CYTH1: variants seen among roughly 807,000 people sequenced by gnomAD.
The protein encoded by CYTH1 is cytohesin 1.
CYTH1 carries 18 observed loss-of-function variants against 61.8 expected under a neutral mutation model. The observed-to-expected ratio is 0.29, with a 90% CI of 0.20 to 0.43. The LOEUF (loss-of-function observed/expected upper bound fraction) is 0.43. Ranked by LOEUF, CYTH1 falls within the 20% of genes least tolerant of loss-of-function variation. The probability of loss-of-function intolerance (pLI) is 1.00; values close to 1 mark genes in which losing one functional copy is unlikely to be tolerated. For missense variants in CYTH1, 336 were observed against 510.5 expected, an observed-to-expected ratio of 0.66 and a Z score of 3.29; for synonymous variants, 174 against 184.3, an observed-to-expected ratio of 0.94 and a Z score of 0.45.
At chr17:78,703,460 T>C (rs894104748) in intron 3 of CYTH1, among the ~76,000 whole-genome samples, 3 of 149,456 alleles carry the variant, frequency 2.0e-5, no homozygotes, top group African/African-American at 4.9e-5. Flanking sequence ...AATTTACTTA[T>C]AATACTCCTA....
chr17:78,763,779 C>A (rs1178194389), intron 1 of CYTH1, among the ~76,000 whole-genome samples: 1 of 152,144 alleles, frequency 6.6e-6, no homozygotes, highest in Non-Finnish European at 1.5e-5. Flanking sequence ...AGTATGCTAG[C>A]CTCCTCTTAA....
At position 78,708,252 on chromosome 17, in the gene CYTH1, C is replaced by A. The variant is rs746673102; in HGVS notation, c.115G>T (p.Asp39Tyr). The A allele has an allele frequency of 6.2e-7, 1 of 1,612,668 alleles. No homozygotes were observed. The highest frequency in any genetic ancestry group is 1.7e-5 in the Admixed American group (1 of 59,608). Residue 39 changes from aspartate to tyrosine, a missense_variant, in exon 3 of 14, where the codon GAT (aspartate) becomes TAT (tyrosine). Physicochemically the swap from Asp to Tyr is radical, Grantham distance 160 (BLOSUM62 -3). Coordinates refer to ENST00000446868, the MANE Select transcript of CYTH1 (RefSeq NM_004762.6). ...TCATTAGCTACTTCTGCTATCTCATCCTTCAGCCTCTATAAAACAGACAGT... is the reference window on the plus strand; with the variant it reads ...TCATTAGCTACTTCTGCTATCTCATACTTCAGCCTCTATAAAACAGACAGT... ...ELLADIQRLK[D>Y]EIAEVANEIE...
At chr17:78,755,979 G>A (rs2093399166) in intron 1 of CYTH1, among the ~76,000 whole-genome samples, 1 of 151,616 alleles carries the variant, frequency 6.6e-6, no homozygotes, top group African/African-American at 2.4e-5. Context: ...TTCAGGTCAA[G>A]AAAATATTGT....
intron 1 of CYTH1, among the ~76,000 whole-genome samples, chr17:78,776,436 C>T (rs1479096315): frequency 6.6e-6 from 1 of 151,850 alleles, no homozygotes; most frequent in African/African-American, 2.4e-5. Flanking sequence ...GCGGGCAGAT[C>T]ATTTGAGGTC....
chr17:78,711,402 G>A (rs923327872), intron 1 of CYTH1, among the ~76,000 whole-genome samples: 53 of 151,686 alleles, frequency 3.5e-4, no homozygotes, highest in African/African-American at 1.3e-3. Context: ...ATTGCACATT[G>A]ATATAACTTA....
At chr17:78,681,190 A>G in intron 11 of CYTH1, 148 bp from the exon 12 acceptor site, 3 of 709,052 alleles carry the variant, frequency 4.2e-6, no homozygotes, top group East Asian at 2.7e-5. Context: ...CTTACATTCT[A>G]AACAAGAATA....
chr17:78,697,190 A>G (rs534135225), intron 9 of CYTH1, among the ~76,000 whole-genome samples: 3 of 152,314 alleles, frequency 2.0e-5, no homozygotes, highest in East Asian at 3.9e-4. Flanking sequence ...AGTAATGACC[A>G]AGAGAGTACT....
intron 1 of CYTH1, among the ~76,000 whole-genome samples, chr17:78,715,537 G>T (rs1484692001): frequency 1.3e-5 from 2 of 152,176 alleles, no homozygotes; most frequent in East Asian, 3.9e-4. Context: ...CCATCAGAAA[G>T]AATGAAATCA....
At chr17:78,759,946 T>C (rs532426462) in intron 1 of CYTH1, among the ~76,000 whole-genome samples, 3 of 152,292 alleles carry the variant, frequency 2.0e-5, no homozygotes, top group South Asian at 4.1e-4. Flanking sequence ...GAAGTATATT[T>C]GTGTGCATGT....
intron 1 of CYTH1, among the ~76,000 whole-genome samples, chr17:78,761,491 C>T (rs1444260347): frequency 6.6e-6 from 1 of 152,214 alleles, no homozygotes; most frequent in African/African-American, 2.4e-5. Context: ...GTAATCCCAA[C>T]ACTTTGGGAG....
chr17:78,707,744 G>A lies in CYTH1; in HGVS notation c.170+453C>T, dbSNP rs1259159023. Among the ~76,000 whole-genome samples the A allele has an allele frequency of 2.7e-5, 4 of 150,702 alleles. No individual in the cohort carries two copies. The East Asian group carries it at 5.9e-4, about 22-fold the overall frequency. The stretch of plus-strand genomic sequence containing the variant: ...TCACCAGGCTGGAGTGCAGTGGCGC[G>A]ATCTCAGCTCACTGCAACCTCCACC... On this transcript the variant is annotated intron_variant, in intron 3 of 13. Coordinates refer to ENST00000446868, the MANE Select transcript of CYTH1 (RefSeq NM_004762.6).
intron 8 of CYTH1, 47 bp from the exon 9 acceptor site, chr17:78,698,427 T>A (rs1235211454): frequency 3.4e-6 from 5 of 1,463,470 alleles, no homozygotes; most frequent in South Asian, 2.3e-5. Flanking sequence ...AGAAATATTT[T>A]TTCCTCCTCC....
intron 4 of CYTH1, 34 bp from the exon 5 acceptor site, chr17:78,702,274 T>A: frequency 6.4e-7 from 1 of 1,553,062 alleles, no homozygotes; most frequent in Non-Finnish European, 8.9e-7. Flanking sequence ...CAATGATGCT[T>A]TGCTGGGAAA....
chr17:78,728,311 C>A (rs1332079861), intron 1 of CYTH1, among the ~76,000 whole-genome samples: 2 of 152,136 alleles, frequency 1.3e-5, no homozygotes, highest in African/African-American at 4.8e-5. Flanking sequence ...TTTTGGGGGC[C>A]GAGGTGGGTG....
At chr17:78,760,471 GTATATAT>G (rs2093421303) in intron 1 of CYTH1, among the ~76,000 whole-genome samples, 1 of 26,804 alleles carries the variant, frequency 3.7e-5, no homozygotes, top group Non-Finnish European at 7.3e-5. Flanking sequence ...ATATATATAT[GTATATAT>G]ATGTATGTAT....
chr17:78,781,882 C>A (rs1021721060), intron 1 of CYTH1, among the ~76,000 whole-genome samples: 1 of 151,518 alleles, frequency 6.6e-6, no homozygotes, highest in South Asian at 2.1e-4. Context: ...GCGACCCCAA[C>A]GACCCTCATT....
chr17:78,778,615 G>GCAA lies in CYTH1; in HGVS notation c.22+3584_22+3586dup, dbSNP rs906616205. ...ATTGCGTCACTGCATTCCAGCCTGG[G>GCAA]CAACACAGTGAGACTCCATCTCAAA... On this transcript the variant is annotated intron_variant, in intron 1 of 13. Transcript: ENST00000446868. Among the ~76,000 whole-genome samples the GCAA allele has an allele frequency of 5.2e-5, 7 of 133,892 alleles. No homozygotes were observed. The Admixed American group carries it at 5.8e-4, about 11-fold the overall frequency. 87.8% of individuals were successfully genotyped at this position (133,892 alleles called of 152,430 possible). A position where few individuals can be genotyped will look rare whatever the true frequency, so the allele number is the denominator to read the frequency against.
Position 78,708,190 on chromosome 17 carries a change from G to T in CYTH1, c.170+7C>A. 6.2e-7 allele frequency: 1 copy of T among 1,614,052 alleles called. No individual in the cohort carries two copies. Among genetic ancestry groups the T allele is most frequent in the Non-Finnish European group, 8.5e-7 (1 of 1,179,974 alleles). ...ACAGAAGCCACCTGGCAGCAGGGCAGACTCACCTTTCCTCTGTGGATCCCA... is the reference window on the plus strand; with the variant it reads ...ACAGAAGCCACCTGGCAGCAGGGCATACTCACCTTTCCTCTGTGGATCCCA... On this transcript the variant is annotated splice_region_variant and intron_variant, in intron 3 of 13. Transcript: ENST00000446868.
intron 1 of CYTH1, among the ~76,000 whole-genome samples, chr17:78,721,775 G>A (rs34873359): frequency 0.063 from 9,641 of 152,278 alleles, 553 homozygotes; most frequent in East Asian, 0.18. Context: ...TGGGCGCAGT[G>A]GCTCACGCCT....
Sources: allele counts gnomAD v4.1 joint callset (sites outside exome capture counted in the v4.1 genomes callset), GRCh38; gene constraint gnomAD v4.1.1; transcripts MANE v1.5; gene names NCBI Gene and HGNC (gene_info 2026-07-23, HGNC 2026-07-21).